ZDHHC15: variants seen among roughly 807,000 people sequenced by gnomAD.
The protein encoded by ZDHHC15 is zDHHC palmitoyltransferase 15.
In ZDHHC15, 19 loss-of-function variants were observed where a neutral mutation model predicts 31.7. The ratio of observed to expected loss-of-function variants is 0.60; its 90% CI spans 0.42 to 0.88. The LOEUF is 0.88. Ranked by LOEUF, ZDHHC15 falls within the 40% of genes least tolerant of loss-of-function variation. ZDHHC15 has a pLI of 0.00. For missense variants in ZDHHC15, 209 were observed against 251.2 expected, an observed-to-expected ratio of 0.83 and a Z score of 1.14; for synonymous variants, 103 against 90.0, an observed-to-expected ratio of 1.14 and a Z score of -0.82.
rs372854163 is a variant in ZDHHC15 at position 75,374,267 on chromosome X, A to AAAT, written c.*33-1325_*33-1323dup. ...GCTAGGTTTGGGATAGCATTAGGAG[A>AAAT]AATACCTAATGTAGATATACCACGG... On this transcript the variant is annotated intron_variant, in intron 11 of 11. Transcript: ENST00000373367. Among the ~76,000 whole-genome samples, 854 of 109,763 alleles carry AAAT rather than the reference A, an allele frequency of 7.8e-3. 11 individuals are homozygous for AAAT. The highest frequency in any genetic ancestry group is 0.026 in the African/African-American group (786 of 30,148).
At chrX:75,421,201 C>G (rs1480429224) in intron 9 of ZDHHC15, among the ~76,000 whole-genome samples, 1 of 99,335 alleles carries the variant, frequency 1.0e-5, no homozygotes, top group Non-Finnish European at 2.0e-5. Context: ...AAATATAGTA[C>G]CATTTTTACC....
At chrX:75,437,731 A>C (rs1276687080) in intron 4 of ZDHHC15, among the ~76,000 whole-genome samples, 2 of 108,376 alleles carry the variant, frequency 1.8e-5, no homozygotes, top group African/African-American at 6.7e-5. Flanking sequence ...ATTGTGAATA[A>C]TGCCACAATA....
rs1332945414 is a variant in ZDHHC15, at chrX:75,370,133, T to C, written c.*2845A>G. On this transcript the variant is annotated 3_prime_UTR_variant, in exon 12 of 12. Transcript: ENST00000373367. The stretch of plus-strand genomic sequence containing the variant: ...AAATACTGTATGGTTAAGCTTTTCA[T>C]TCCAGTCCTATAATTAAAGACATAT... The C allele has an allele frequency of 1.8e-5, 2 of 111,928 alleles. No homozygotes were observed. The highest frequency in any genetic ancestry group is 3.8e-5 in the Non-Finnish European group (2 of 53,196). 9.2% of individuals were successfully genotyped at this position (111,928 alleles called of 1,213,427 possible). A position where few individuals can be genotyped will look rare whatever the true frequency, so the allele number is the denominator to read the frequency against.
chrX:75,400,721 G>A (rs1030664490), intron 10 of ZDHHC15, among the ~76,000 whole-genome samples: 3 of 111,157 alleles, frequency 2.7e-5, no homozygotes, highest in Non-Finnish European at 5.7e-5. Flanking sequence ...AATGTTAAAG[G>A]CAGCTAGCCA....
chrX:75,462,395 A>G (rs1284730582), intron 3 of ZDHHC15, among the ~76,000 whole-genome samples: 1 of 112,221 alleles, frequency 8.9e-6, no homozygotes, highest in Non-Finnish European at 1.9e-5. Context: ...GGATATGCAG[A>G]ACCCGAACAC....
chrX:75,509,696 G>A (rs1359336352), intron 1 of ZDHHC15, among the ~76,000 whole-genome samples: 3 of 112,409 alleles, frequency 2.7e-5, no homozygotes, highest in Non-Finnish European at 5.6e-5. Context: ...TCTGTAAAAC[G>A]ATAAAATTGG....
At chrX:75,398,973 C>G (rs1435189556) in intron 10 of ZDHHC15, among the ~76,000 whole-genome samples, 1 of 112,142 alleles carries the variant, frequency 8.9e-6, no homozygotes, top group Non-Finnish European at 1.9e-5. Context: ...GGGCCAGCAA[C>G]AGGTCTGTAA....
At chrX:75,403,315 G>A (rs768972519) in intron 10 of ZDHHC15, among the ~76,000 whole-genome samples, 1 of 111,752 alleles carries the variant, frequency 8.9e-6, no homozygotes, top group African/African-American at 3.2e-5. Context: ...CTTGAAAACC[G>A]GCACAAGACA....
chrX:75,460,350 T>G (rs912928858), intron 3 of ZDHHC15, among the ~76,000 whole-genome samples: 2 of 110,580 alleles, frequency 1.8e-5, no homozygotes, highest in African/African-American at 6.6e-5. Flanking sequence ...GATTCAGCCA[T>G]TCCAGTCTGC....
At chrX:75,435,562 T>G (rs6647734) in intron 4 of ZDHHC15, among the ~76,000 whole-genome samples, 20,069 of 111,332 alleles carry the variant, frequency 0.18, 1,968 homozygotes, top group East Asian at 0.85. Context: ...GGATGCTGGA[T>G]TTTGTCAAAT....
intron 3 of ZDHHC15, among the ~76,000 whole-genome samples, chrX:75,460,128 G>C (rs1429275450): frequency 8.9e-6 from 1 of 112,093 alleles, no homozygotes; most frequent in African/African-American, 3.2e-5. Context: ...GCCTGCCTTG[G>C]CCTCCTGAAG....
chrX:75,422,797 T>C (rs1161077892), intron 8 of ZDHHC15, among the ~76,000 whole-genome samples: 2 of 109,035 alleles, frequency 1.8e-5, no homozygotes, highest in Non-Finnish European at 3.8e-5. Flanking sequence ...GTGCAAATAC[T>C]TTTTTTTTAA....
chrX:75,454,955 T>A (rs1239260518), intron 3 of ZDHHC15, among the ~76,000 whole-genome samples: 4 of 111,169 alleles, frequency 3.6e-5, no homozygotes, highest in Admixed American at 9.7e-5. Flanking sequence ...AGGTAATTTA[T>A]AGATTCAATG....
At chrX:75,494,876 A>G (rs1387229398) in intron 2 of ZDHHC15, among the ~76,000 whole-genome samples, 1 of 112,205 alleles carries the variant, frequency 8.9e-6, no homozygotes, top group Non-Finnish European at 1.9e-5. Flanking sequence ...GGCATGGGCA[A>G]GGACTTCATG....
At chrX:75,514,469 G>A (rs1480896063) in intron 1 of ZDHHC15, among the ~76,000 whole-genome samples, 2 of 111,815 alleles carry the variant, frequency 1.8e-5, no homozygotes, top group African/African-American at 6.5e-5. Flanking sequence ...AGCTCCCAGC[G>A]TGAGCAACAC....
intron 4 of ZDHHC15, among the ~76,000 whole-genome samples, chrX:75,446,581 AC>A (rs1382399045): frequency 8.9e-6 from 1 of 112,269 alleles, no homozygotes; most frequent in Non-Finnish European, 1.9e-5. Flanking sequence ...ATGGTTGATC[AC>A]ATGTTTTACT....
At chrX:75,459,006 A>C (rs2084269820) in intron 3 of ZDHHC15, among the ~76,000 whole-genome samples, 2 of 96,175 alleles carry the variant, frequency 2.1e-5, no homozygotes, top group South Asian at 1.0e-3. Flanking sequence ...AAAAAAAAAA[A>C]AAAAACAACC....
At chrX:75,492,928 G>A (rs923247003) in intron 2 of ZDHHC15, among the ~76,000 whole-genome samples, 1 of 111,401 alleles carries the variant, frequency 9.0e-6, no homozygotes, top group East Asian at 2.8e-4. Flanking sequence ...AAATAACTAA[G>A]ATCAGAGCAG....
At chrX:75,413,310 A>C (rs775269012) in intron 10 of ZDHHC15, among the ~76,000 whole-genome samples, 1 of 112,207 alleles carries the variant, frequency 8.9e-6, no homozygotes, top group Non-Finnish European at 1.9e-5. Flanking sequence ...CATAGAGAAT[A>C]TTAACTGTGG....
Sources: allele counts gnomAD v4.1 joint callset (sites outside exome capture counted in the v4.1 genomes callset), GRCh38; gene constraint gnomAD v4.1.1; transcripts MANE v1.5; gene names NCBI Gene and HGNC (gene_info 2026-07-23, HGNC 2026-07-21).